Variants in LRRC4C observed in about 807,000 individuals in gnomAD.
The protein encoded by LRRC4C is leucine rich repeat containing 4C.
LRRC4C carries 5 observed loss-of-function variants against 33.6 expected under a neutral mutation model. The observed-to-expected ratio is 0.15, with a 90% CI of 0.08 to 0.31. LRRC4C has a LOEUF of 0.31. Among genes scored for constraint, LRRC4C ranks in the 10% least tolerant of loss-of-function variants. The pLI is 1.00. For missense variants in LRRC4C, 560 were observed against 796.7 expected (o/e 0.70, Z 3.58); for synonymous variants, 329 against 302.0 (o/e 1.09, Z -0.93).
At chr11:40,896,721 T>G (rs1955958020) in intron 2 of LRRC4C, among the ~76,000 whole-genome samples, 1 of 151,768 alleles carries the variant, frequency 6.6e-6, no homozygotes, top group South Asian at 2.1e-4. Flanking sequence ...CCAAGAAAAA[T>G]AATATAGTGA....
chr11:41,293,156 T>A (rs1950038376), intron 1 of LRRC4C, among the ~76,000 whole-genome samples: 1 of 152,204 alleles, frequency 6.6e-6, no homozygotes, highest in Admixed American at 6.5e-5. Context: ...ACAATATATA[T>A]GATGTGATCC....
intron 3 of LRRC4C, among the ~76,000 whole-genome samples, chr11:40,417,509 T>A (rs1019745253): frequency 7.9e-5 from 12 of 151,988 alleles, no homozygotes; most frequent in South Asian, 2.1e-4. Context: ...TTTTTTATTT[T>A]TTTTTTGTTT....
At chr11:40,150,338 T>A (rs1199842122) in intron 5 of LRRC4C, among the ~76,000 whole-genome samples, 1 of 152,242 alleles carries the variant, frequency 6.6e-6, no homozygotes, top group Non-Finnish European at 1.5e-5. Context: ...TGTAAAACCA[T>A]CCAACATACT....
chr11:40,967,499 C>T (rs1051612826), intron 1 of LRRC4C, among the ~76,000 whole-genome samples: 1 of 152,054 alleles, frequency 6.6e-6, no homozygotes, highest in Non-Finnish European at 1.5e-5. Flanking sequence ...TCAAACAAAT[C>T]TATCAGTACC....
chr11:40,696,068 AGT>A (rs1299001147), intron 2 of LRRC4C, among the ~76,000 whole-genome samples: 3 of 125,472 alleles, frequency 2.4e-5, no homozygotes, highest in Admixed American at 8.2e-5. Flanking sequence ...TGTATATATG[AGT>A]GTGTATATAT....
Position 40,584,863 on chromosome 11 carries a change from C to T in LRRC4C, c.-270+63279G>A, listed in dbSNP as rs183489309. Among the ~76,000 whole-genome samples, 727 of 149,048 alleles carry T rather than the reference C, an allele frequency of 4.9e-3. 22 individuals are homozygous for T. Among genetic ancestry groups the T allele is most frequent in the Admixed American group, 0.033 (487 of 14,754 alleles). On this transcript the variant is annotated intron_variant, in intron 3 of 6. Coordinates refer to ENST00000528697, the MANE Select transcript of LRRC4C (RefSeq NM_001258419.2). ...AGGAGAATTGCTTGAACCTGGGAGG[C>T]GGAGGTTGCAGTGAGCCGAGATCAT...
chr11:40,317,706 T>C (rs1342779401), intron 4 of LRRC4C, among the ~76,000 whole-genome samples: 1 of 152,176 alleles, frequency 6.6e-6, no homozygotes, highest in Non-Finnish European at 1.5e-5. Flanking sequence ...TTCATGGTTT[T>C]ATTAGTTCAC....
chr11:41,427,477 G>C (rs528067923), intron 1 of LRRC4C, among the ~76,000 whole-genome samples: 2 of 152,246 alleles, frequency 1.3e-5, no homozygotes, highest in South Asian at 4.2e-4. Context: ...TTATGTAATA[G>C]AGCATGACTA....
chr11:41,131,121 C>T (rs973857631), intron 1 of LRRC4C, among the ~76,000 whole-genome samples: 3 of 151,872 alleles, frequency 2.0e-5, no homozygotes, highest in Non-Finnish European at 2.9e-5. Context: ...GGTGCAGCAG[C>T]CCGAGTTTAG....
chr11:40,851,808 A>T (rs1489982500), intron 2 of LRRC4C, among the ~76,000 whole-genome samples: 1 of 152,108 alleles, frequency 6.6e-6, no homozygotes, highest in Non-Finnish European at 1.5e-5. Flanking sequence ...TATATGCTTA[A>T]ATAAGTGGAT....
At chr11:40,793,202 C>A (rs966532370) in intron 2 of LRRC4C, among the ~76,000 whole-genome samples, 1 of 151,762 alleles carries the variant, frequency 6.6e-6, no homozygotes, top group Non-Finnish European at 1.5e-5. Flanking sequence ...ATGAAAAATG[C>A]CCTTGAGAAA....
At chr11:40,951,915 C>T (rs1018493201) in intron 1 of LRRC4C, among the ~76,000 whole-genome samples, 1 of 151,804 alleles carries the variant, frequency 6.6e-6, no homozygotes, top group African/African-American at 2.4e-5. Flanking sequence ...ATTGTATAAG[C>T]CTGGGGTAGA....
At chr11:40,548,515 C>A (rs1957013022) in intron 3 of LRRC4C, among the ~76,000 whole-genome samples, 1 of 152,026 alleles carries the variant, frequency 6.6e-6, no homozygotes, top group African/African-American at 2.4e-5. Context: ...CATGGTGACA[C>A]CTTGATTATT....
chr11:41,168,821 C>T (rs968517685), intron 1 of LRRC4C, among the ~76,000 whole-genome samples: 1 of 152,140 alleles, frequency 6.6e-6, no homozygotes, highest in East Asian at 1.9e-4. Context: ...TCTGTTTCTG[C>T]CAAAATGCCA....
At chr11:40,884,943 A>G (rs1286967559) in intron 2 of LRRC4C, among the ~76,000 whole-genome samples, 4 of 152,058 alleles carry the variant, frequency 2.6e-5, no homozygotes, top group Non-Finnish European at 5.9e-5. Context: ...GTACACATGG[A>G]CACAAGAGTG....
At chr11:40,808,701 A>T (rs902121126) in intron 2 of LRRC4C, among the ~76,000 whole-genome samples, 19 of 152,024 alleles carry the variant, frequency 1.2e-4, no homozygotes, top group African/African-American at 4.3e-4. Flanking sequence ...TATATTTCTG[A>T]TCCTTTCACT....
intron 1 of LRRC4C, among the ~76,000 whole-genome samples, chr11:41,256,030 T>C (rs1948788842): frequency 6.6e-6 from 1 of 152,008 alleles, no homozygotes; most frequent in Non-Finnish European, 1.5e-5. Flanking sequence ...GAAGGAAACA[T>C]TTTTAAAATC....
intron 2 of LRRC4C, among the ~76,000 whole-genome samples, chr11:40,729,622 C>T (rs966097986): frequency 5.3e-5 from 8 of 152,110 alleles, no homozygotes; most frequent in Non-Finnish European, 8.8e-5. Flanking sequence ...AGGATGGAGA[C>T]GTTCTTTCTT....
chr11:41,121,005 C>T (rs1219410463), intron 1 of LRRC4C, among the ~76,000 whole-genome samples: 1 of 152,136 alleles, frequency 6.6e-6, no homozygotes, highest in African/African-American at 2.4e-5. Context: ...TCCTGTTAAG[C>T]CTGTGGAACT....
Sources: allele counts gnomAD v4.1 joint callset (sites outside exome capture counted in the v4.1 genomes callset), GRCh38; gene constraint gnomAD v4.1.1; transcripts MANE v1.5; gene names NCBI Gene and HGNC (gene_info 2026-07-23, HGNC 2026-07-21).